PPP1R3A: variants seen among roughly 807,000 people sequenced by gnomAD.
PPP1R3A encodes the protein RG1.
A neutral mutation model predicts 41.7 loss-of-function variants in PPP1R3A; 29 were observed. The observed-to-expected ratio is 0.70, with a 90% CI of 0.52 to 0.95. The LOEUF is 0.95. Among genes scored for constraint, PPP1R3A ranks in the 40% least tolerant of loss-of-function variants. The pLI, the probability that PPP1R3A is intolerant of heterozygous loss-of-function variation, is 0.00. For synonymous variants in PPP1R3A, 485 were observed against 453.4 expected (o/e 1.07, Z -0.89); for missense variants, 1,352 against 1,292.4 (o/e 1.05, Z -0.71).
At chr7:113,915,484 C>T (rs184546149) in intron 1 of PPP1R3A, among the ~76,000 whole-genome samples, 3 of 151,040 alleles carry the variant, frequency 2.0e-5, no homozygotes, top group East Asian at 3.9e-4. Context: ...ACTGATATTA[C>T]ATACTATTAC....
In PPP1R3A at chr7:113,879,337, T is replaced by C; in HGVS notation, c.1755A>G (p.Pro585=). 6.2e-7 allele frequency: 1 copy of C among 1,613,642 alleles called. No individual in the cohort carries two copies. The highest frequency in any genetic ancestry group is 8.5e-7 in the Non-Finnish European group (1 of 1,179,716). ...RAITADVSHS[P]RTNLSWEEAV... The stretch of plus-strand genomic sequence containing the variant: ...CTTCTTCCCAACTTAAATTTGTCCT[T>C]GGTGAATGAGACACATCTGCTGTGA... Residue 585 remains proline (P), a synonymous_variant, in exon 4 of 4, where the codon CCA becomes CCG. Transcript: ENST00000284601.
chr7:113,880,179 A>G, intron 3 of PPP1R3A, 54 bp from the exon 4 acceptor site: 2 of 1,452,824 alleles, frequency 1.4e-6, no homozygotes, highest in African/African-American at 1.4e-5. Context: ...TTTAAAATAT[A>G]TAGTGAATTA....
In PPP1R3A at chr7:113,918,615, C is replaced by G. The variant is rs372178654; in HGVS notation, c.382G>C (p.Ala128Pro). Residue 128 changes from alanine to proline, a missense_variant, in exon 1 of 4, where the codon GCA (alanine) becomes CCA (proline). By Grantham distance (27) the Ala-to-Pro change is conservative. Transcript: ENST00000284601. ...DLMQQLQIQK[A>P]ILESTESLLG... ...AGAGACTCAGTTGACTCCAGTATTG[C>G]TTTCTGTATTTGGAGTTGTTGCATA... The G allele has an allele frequency of 7.5e-5, 121 of 1,613,474 alleles. No homozygotes were observed. Among genetic ancestry groups the G allele is most frequent in the Non-Finnish European group, 9.4e-5 (111 of 1,179,728 alleles).
At position 113,879,259 on chromosome 7, in the gene PPP1R3A, T is replaced by C; in HGVS notation, c.1833A>G (p.Gly611=). Residue 611 remains glycine, a synonymous_variant, in exon 4 of 4, where the codon GGA becomes GGG. Coordinates refer to ENST00000284601, the MANE Select transcript of PPP1R3A (RefSeq NM_002711.4). ...HHLTSEGSAL[G]GITGQVCSSR... The stretch of plus-strand genomic sequence containing the variant: ...ATGAACAAACTTGACCAGTTATCCC[T>C]CCTAAAGCGCTGCCTTCACTAGTCA... 2 of 1,613,704 alleles carry C rather than the reference T, an allele frequency of 1.2e-6. No individual in the cohort carries two copies. The highest frequency in any genetic ancestry group is 1.7e-6 in the Non-Finnish European group (2 of 1,179,750).
At position 113,879,322 on chromosome 7, in the gene PPP1R3A, A is replaced by C; in HGVS notation, c.1770T>G (p.Ser590Arg). The C allele has an allele frequency of 6.2e-7, 1 of 1,613,546 alleles. No individual in the cohort carries two copies. The highest frequency in any genetic ancestry group is 1.3e-5 in the African/African-American group (1 of 74,956). The change falls in exon 4 of 4, where the codon AGT becomes AGG. Residue 590 changes from serine to arginine, a missense_variant. Ser to Arg is a moderately radical substitution (Grantham distance 110). Coordinates refer to ENST00000284601, the MANE Select transcript of PPP1R3A (RefSeq NM_002711.4). The part of the protein sequence containing the change: ...DVSHSPRTNL[S>R]WEEAVLTPEH... Reference sequence around the variant, plus strand: ...CTGGGGTTAACACAGCTTCTTCCCAACTTAAATTTGTCCTTGGTGAATGAG... The same window carrying C: ...CTGGGGTTAACACAGCTTCTTCCCACCTTAAATTTGTCCTTGGTGAATGAG...
At chr7:113,908,423 C>T (rs189432527) in intron 1 of PPP1R3A, among the ~76,000 whole-genome samples, 5 of 151,792 alleles carry the variant, frequency 3.3e-5, no homozygotes, top group Non-Finnish European at 5.9e-5. Flanking sequence ...TACACTGCTT[C>T]CCATGTTTAA....
intron 1 of PPP1R3A, among the ~76,000 whole-genome samples, chr7:113,911,591 C>T (rs1797250413): frequency 6.6e-6 from 1 of 151,970 alleles, no homozygotes; most frequent in African/African-American, 2.4e-5. Context: ...AAAACATGTC[C>T]TCAGTTTCCA....
rs748566553 is a variant in PPP1R3A, at chr7:113,879,660, C to T, written c.1432G>A (p.Glu478Lys). The change falls in exon 4 of 4, where the codon GAA (glutamate) becomes AAA (lysine). Residue 478 changes from glutamate to lysine, a missense_variant. Coordinates refer to ENST00000284601, the MANE Select transcript of PPP1R3A (RefSeq NM_002711.4). Reference protein sequence around the residue: ...KKHEGGAKNIEVKDLGCLRRD... With the variant: ...KKHEGGAKNIKVKDLGCLRRD... The stretch of plus-strand genomic sequence containing the variant: ...CGTAAACATCCCAAATCTTTTACTT[C>T]AATATTTTTAGCTCCTCCTTCATGT... 2 of 1,613,274 alleles carry T rather than the reference C, an allele frequency of 1.2e-6. No individual in the cohort carries two copies. Among genetic ancestry groups the T allele is most frequent in the Non-Finnish European group, 8.5e-7 (1 of 1,179,700 alleles).
chr7:113,879,488 T>G lies in PPP1R3A; in HGVS notation c.1604A>C (p.Gln535Pro), dbSNP rs752471776. 6.2e-7 allele frequency: 1 copy of G among 1,613,378 alleles called. No individual in the cohort carries two copies. Residue 535 changes from glutamine to proline, a missense_variant, in exon 4 of 4, where the codon CAA (glutamine) becomes CCA (proline). Gln to Pro is a moderately conservative substitution (Grantham distance 76). Transcript: ENST00000284601. The part of the protein sequence containing the change: ...GVNEKQRKNF[Q>P]TILHDQERKM... ...CCTTTCTTGGTCATGTAAGATTGTT[T>G]GGAAATTTTTTCTTTGTTTTTCATT...
chr7:113,877,997 A>G lies in PPP1R3A; in HGVS notation c.3095T>C (p.Val1032Ala), dbSNP rs936296137. Residue 1032 changes from valine (V) to alanine (A), a missense_variant, in exon 4 of 4, where the codon GTA (valine) becomes GCA (alanine). Physicochemically the swap from Val to Ala is moderately conservative, Grantham distance 64. Coordinates refer to ENST00000284601, the MANE Select transcript of PPP1R3A (RefSeq NM_002711.4). Reference sequence around the variant, plus strand: ...AGTGTATAGTGATTGCCCAGAGCTTACTAATCCTTCATTTTCATGCCTTGC... The same window carrying G: ...AGTGTATAGTGATTGCCCAGAGCTTGCTAATCCTTCATTTTCATGCCTTGC... Reference protein sequence around the residue: ...EEARHENEGLVSSGQSLYTSG... With the variant: ...EEARHENEGLASSGQSLYTSG... The G allele has an allele frequency of 5.0e-6, 8 of 1,613,342 alleles. No homozygotes were observed. The highest frequency in any genetic ancestry group is 6.8e-6 in the Non-Finnish European group (8 of 1,179,624).
Position 113,918,289 on chromosome 7 carries a change from T to G in PPP1R3A, c.708A>C (p.Gln236His). The G allele has an allele frequency of 1.9e-6, 3 of 1,612,206 alleles. No individual in the cohort carries two copies. The highest frequency in any genetic ancestry group is 2.5e-6 in the Non-Finnish European group (3 of 1,179,188). The change falls in exon 1 of 4, where the codon CAA becomes CAC. Residue 236 changes from glutamine (Q) to histidine (H), a missense_variant. Physicochemically the swap from Gln to His is conservative, Grantham distance 24. Coordinates refer to ENST00000284601, the MANE Select transcript of PPP1R3A (RefSeq NM_002711.4). ...NYTFICQKKE[Q>H]EPEPVKPWKE... Reference sequence around the variant, plus strand: ...TCCATGGTTTTACAGGCTCCGGCTCTTGTTCTTTCTTTTGACAAATGAATG... The same window carrying G: ...TCCATGGTTTTACAGGCTCCGGCTCGTGTTCTTTCTTTTGACAAATGAATG...
At chr7:113,897,245 G>A (rs1253356092) in intron 1 of PPP1R3A, among the ~76,000 whole-genome samples, 3 of 151,858 alleles carry the variant, frequency 2.0e-5, no homozygotes, top group Admixed American at 6.6e-5. Context: ...TATTGAGTAT[G>A]AAATAATTAT....
intron 1 of PPP1R3A, among the ~76,000 whole-genome samples, chr7:113,915,648 T>C (rs572941992): frequency 1.1e-3 from 169 of 150,412 alleles, no homozygotes; most frequent in African/African-American, 3.9e-3. Flanking sequence ...TATTCTGTTT[T>C]TACCTTCTGA....
intron 1 of PPP1R3A, among the ~76,000 whole-genome samples, chr7:113,912,396 C>T (rs982539329): frequency 6.6e-6 from 1 of 152,174 alleles, no homozygotes; most frequent in Admixed American, 6.5e-5. Flanking sequence ...TGCATGTGTA[C>T]ATACATATAT....
intron 1 of PPP1R3A, 88 bp downstream of exon 1, chr7:113,918,127 A>G: frequency 7.8e-7 from 1 of 1,289,818 alleles, no homozygotes; most frequent in South Asian, 1.5e-5. Context: ...ATTTTTAAAT[A>G]GAGTCACTTT....
chr7:113,897,930 T>C (rs189343910), intron 1 of PPP1R3A, among the ~76,000 whole-genome samples: 1 of 151,766 alleles, frequency 6.6e-6, no homozygotes, highest in Non-Finnish European at 1.5e-5. Context: ...AGGAGTGAAG[T>C]GCAAGAGCCA....
At chr7:113,883,934 T>C (rs777948848) in intron 1 of PPP1R3A, among the ~76,000 whole-genome samples, 5 of 152,000 alleles carry the variant, frequency 3.3e-5, no homozygotes, top group Non-Finnish European at 7.4e-5. Context: ...GGGGATAAAA[T>C]AAGTATTCAA....
At chr7:113,895,911 C>T (rs1796968481) in intron 1 of PPP1R3A, among the ~76,000 whole-genome samples, 1 of 151,832 alleles carries the variant, frequency 6.6e-6, no homozygotes. Flanking sequence ...ACCTTTTTGT[C>T]AATTCTTCAC....
At chr7:113,888,417 T>C (rs1210160397) in intron 1 of PPP1R3A, among the ~76,000 whole-genome samples, 1 of 152,028 alleles carries the variant, frequency 6.6e-6, no homozygotes, top group East Asian at 1.9e-4. Flanking sequence ...AAGAACCAAA[T>C]ATGAGTTTTA....
Sources: allele counts gnomAD v4.1 joint callset (sites outside exome capture counted in the v4.1 genomes callset), GRCh38; gene constraint gnomAD v4.1.1; transcripts MANE v1.5; gene names NCBI Gene and HGNC (gene_info 2026-07-23, HGNC 2026-07-21).